TAOK3: variants seen among roughly 807,000 people sequenced by gnomAD.
The protein encoded by TAOK3 is serine/threonine-protein kinase TAO3.
TAOK3 carries 40 observed loss-of-function variants against 120.4 expected under a neutral mutation model. That is an observed-to-expected ratio of 0.33 (90% CI 0.26 to 0.43). TAOK3 has a LOEUF of 0.43. Ranked by LOEUF, TAOK3 falls within the 20% of genes least tolerant of loss-of-function variation. The pLI is 1.00. For missense variants in TAOK3, 821 were observed against 1,112.1 expected (o/e 0.74, Z 3.72); for synonymous variants, 355 against 387.5 (o/e 0.92, Z 0.99).
At chr12:118,366,060 T>C (rs940721352) in intron 1 of TAOK3, among the ~76,000 whole-genome samples, 8 of 152,124 alleles carry the variant, frequency 5.3e-5, no homozygotes, top group Non-Finnish European at 1.0e-4. Context: ...GGTCAGGAAT[T>C]CGAGACCAGC....
chr12:118,150,860 CA>C lies in TAOK3; in HGVS notation c.*136del. The stretch of plus-strand genomic sequence containing the variant: ...TAAGAATAAACAGGCACTAGTCCGA[CA>C]CGATGTCAGTAAGAGTAAGAGAGAG... On this transcript the variant is annotated 3_prime_UTR_variant, in exon 21 of 21. Transcript: ENST00000392533. 1 of 967,156 alleles carries C rather than the reference CA, an allele frequency of 1.0e-6. No homozygotes were observed. Among genetic ancestry groups the C allele is most frequent in the Non-Finnish European group, 1.5e-6 (1 of 672,654 alleles). 59.9% of individuals were successfully genotyped at this position (967,156 alleles called of 1,614,324 possible). A position where few individuals can be genotyped will look rare whatever the true frequency, so the allele number is the denominator to read the frequency against.
chr12:118,217,347 A>C (rs2139563859), intron 9 of TAOK3, among the ~76,000 whole-genome samples: 1 of 152,234 alleles, frequency 6.6e-6, no homozygotes, highest in South Asian at 2.1e-4. Context: ...TATATTTTGG[A>C]GGGGCATCTT....
chr12:118,348,248 A>T (rs987888472), intron 1 of TAOK3, among the ~76,000 whole-genome samples: 1 of 152,158 alleles, frequency 6.6e-6, no homozygotes, highest in Non-Finnish European at 1.5e-5. Flanking sequence ...CCTTGATGTC[A>T]TTCTATTTTG....
At chr12:118,293,578 G>A (rs540304656) in intron 1 of TAOK3, among the ~76,000 whole-genome samples, 2 of 152,058 alleles carry the variant, frequency 1.3e-5, no homozygotes, top group Non-Finnish European at 2.9e-5. Context: ...GGAGGCTGAG[G>A]CAGGAGAATC....
rs1049179732 is a variant in TAOK3, at chr12:118,305,252, G to A, written c.-193-38493C>T. ...TCCCAACACTTTCGGAGGCTGAGGC[G>A]GGAGGATTGTTTGAGGTCAGGAGTT... On this transcript the variant is annotated intron_variant, in intron 1 of 20. Coordinates refer to ENST00000392533, the MANE Select transcript of TAOK3 (RefSeq NM_016281.4). Among the ~76,000 whole-genome samples, 8 of 152,114 alleles carry A rather than the reference G, an allele frequency of 5.3e-5. No homozygotes were observed. The South Asian group carries it at 8.3e-4, about 16-fold the overall frequency.
intron 1 of TAOK3, among the ~76,000 whole-genome samples, chr12:118,303,741 G>T (rs530555471): frequency 6.6e-6 from 1 of 152,074 alleles, no homozygotes; most frequent in African/African-American, 2.4e-5. Flanking sequence ...TCCACCTCCC[G>T]GGTTTAAGCA....
intron 1 of TAOK3, among the ~76,000 whole-genome samples, chr12:118,272,536 T>C (rs1034657405): frequency 6.7e-6 from 1 of 148,566 alleles, no homozygotes; most frequent in Non-Finnish European, 1.5e-5. Flanking sequence ...ATTAATAAAG[T>C]AAATAAGAAT....
chr12:118,216,335 C>G (rs61945180), intron 9 of TAOK3, among the ~76,000 whole-genome samples: 2 of 152,094 alleles, frequency 1.3e-5, no homozygotes, highest in Non-Finnish European at 2.9e-5. Flanking sequence ...CAGCCCACCA[C>G]GATCTCTTTA....
chr12:118,272,281 G>T (rs1170139584), intron 1 of TAOK3, among the ~76,000 whole-genome samples: 1 of 118,128 alleles, frequency 8.5e-6, no homozygotes. Flanking sequence ...GACAGAGCAA[G>T]ACTCCATCTC....
intron 1 of TAOK3, chr12:118,295,483 C>T (rs1422519170): frequency 2.6e-5 from 4 of 152,212 alleles, no homozygotes; most frequent in African/African-American, 9.7e-5. Flanking sequence ...TAGCTGCCCT[C>T]TCTTTCCTCT....
At chr12:118,258,493 C>G (rs1225673230) in intron 2 of TAOK3, among the ~76,000 whole-genome samples, 1 of 152,128 alleles carries the variant, frequency 6.6e-6, no homozygotes, top group Non-Finnish European at 1.5e-5. Context: ...GCAGGCAGAT[C>G]ACAAGGTCAA....
chr12:118,218,175 G>T (rs1266044299), intron 9 of TAOK3, among the ~76,000 whole-genome samples: 1 of 151,646 alleles, frequency 6.6e-6, no homozygotes, highest in South Asian at 2.1e-4. Context: ...AACAGATACT[G>T]GTATTACAGT....
intron 14 of TAOK3, among the ~76,000 whole-genome samples, chr12:118,181,961 G>A (rs923801370): frequency 1.3e-5 from 2 of 152,196 alleles, no homozygotes; most frequent in African/African-American, 4.8e-5. Flanking sequence ...GAGGCAGGCA[G>A]ACCACTTGAG....
intron 9 of TAOK3, among the ~76,000 whole-genome samples, chr12:118,215,627 TAGAG>T (rs755098797): frequency 1.3e-5 from 2 of 151,946 alleles, no homozygotes; most frequent in Non-Finnish European, 2.9e-5. Context: ...GGGGTGACAG[TAGAG>T]AGAGAAATGG....
chr12:118,186,444 C>T (rs1430975193), intron 14 of TAOK3, among the ~76,000 whole-genome samples: 1 of 152,132 alleles, frequency 6.6e-6, no homozygotes, highest in Non-Finnish European at 1.5e-5. Flanking sequence ...GAAGAAATGA[C>T]ATCAGATGTA....
chr12:118,341,461 T>C (rs968705650), intron 1 of TAOK3, among the ~76,000 whole-genome samples: 1 of 152,182 alleles, frequency 6.6e-6, no homozygotes, highest in Non-Finnish European at 1.5e-5. Flanking sequence ...TTTGTTTTAA[T>C]GGCAATAATG....
At chr12:118,188,179 G>A (rs1209797196) in intron 14 of TAOK3, among the ~76,000 whole-genome samples, 1 of 152,208 alleles carries the variant, frequency 6.6e-6, no homozygotes, top group Admixed American at 6.5e-5. Context: ...CGGTTGCTCA[G>A]AGCTTGTTAT....
intron 1 of TAOK3, among the ~76,000 whole-genome samples, chr12:118,299,101 A>G (rs1419014094): frequency 2.0e-5 from 3 of 152,226 alleles, no homozygotes; most frequent in Admixed American, 6.5e-5. Context: ...TGACAAATTC[A>G]TAAGTTACAC....
intron 19 of TAOK3, chr12:118,159,861 C>A: frequency 2.3e-6 from 1 of 428,264 alleles, no homozygotes; most frequent in South Asian, 2.8e-5. Flanking sequence ...CATAAATGAA[C>A]ACATGGTATC....
Sources: allele counts gnomAD v4.1 joint callset (sites outside exome capture counted in the v4.1 genomes callset), GRCh38; gene constraint gnomAD v4.1.1; transcripts MANE v1.5; gene names NCBI Gene and HGNC (gene_info 2026-07-23, HGNC 2026-07-21).